Variants in SIPA1L3 observed in about 807,000 individuals in gnomAD.
SIPA1L3 encodes signal induced proliferation associated 1 like 3.
A neutral mutation model predicts 150.1 loss-of-function variants in SIPA1L3; 59 were observed. The ratio of observed to expected loss-of-function variants is 0.39; its 90% CI spans 0.32 to 0.49. The LOEUF (loss-of-function observed/expected upper bound fraction) is 0.49. Ranked by LOEUF, SIPA1L3 falls within the 20% of genes least tolerant of loss-of-function variation. The pLI, the probability that SIPA1L3 is intolerant of heterozygous loss-of-function variation, is 0.86. For missense variants in SIPA1L3, 2,211 were observed against 2,489.5 expected (o/e 0.89, Z 2.38); for synonymous variants, 1,070 against 1,077.6 (o/e 0.99, Z 0.14).
intron 8 of SIPA1L3, among the ~76,000 whole-genome samples, chr19:38,112,946 G>A (rs953403900): frequency 3.3e-5 from 5 of 152,270 alleles, no homozygotes; most frequent in South Asian, 4.1e-4. Context: ...AGTGGCTCAC[G>A]CTTGTAATCC....
At chr19:37,968,542 A>T (rs1302794903) in intron 1 of SIPA1L3, among the ~76,000 whole-genome samples, 1 of 152,178 alleles carries the variant, frequency 6.6e-6, no homozygotes, top group Non-Finnish European at 1.5e-5. Context: ...AGGGTCTTTG[A>T]GTCTCAGGTA....
chr19:37,975,453 G>A (rs936647914), intron 1 of SIPA1L3, among the ~76,000 whole-genome samples: 3 of 152,056 alleles, frequency 2.0e-5, no homozygotes, highest in African/African-American at 4.8e-5. Flanking sequence ...GCTGCAAGTC[G>A]AGGCTCCCCA....
chr19:38,134,259 C>T (rs1971380563), intron 10 of SIPA1L3, among the ~76,000 whole-genome samples: 1 of 151,284 alleles, frequency 6.6e-6, no homozygotes, highest in South Asian at 2.1e-4. Context: ...GCTAGGATTA[C>T]AGGCATGAGC....
intron 15 of SIPA1L3, among the ~76,000 whole-genome samples, chr19:38,173,862 C>T (rs1354613305): frequency 1.3e-5 from 2 of 151,992 alleles, no homozygotes. Flanking sequence ...TGCAAAGGTC[C>T]CAAGGTAGCA....
At position 38,177,751 on chromosome 19, in the gene SIPA1L3, C is replaced by G. The variant is rs190771366; in HGVS notation, c.4209-4768C>G. On this transcript the variant is annotated intron_variant, in intron 15 of 21. Transcript: ENST00000222345. The stretch of plus-strand genomic sequence containing the variant: ...TCATAAGGATATGCTTGCGGCAGGG[C>G]GCAGTGGCTCATGCCTGTGATCCCA... Among the ~76,000 whole-genome samples, 352 of 152,224 alleles carry G rather than the reference C, an allele frequency of 2.3e-3. 1 individual carries two copies. The highest frequency in any genetic ancestry group is 8.2e-3 in the African/African-American group (339 of 41,550).
At chr19:38,146,235 TTGTC>T (rs1971701711) in intron 12 of SIPA1L3, among the ~76,000 whole-genome samples, 1 of 152,144 alleles carries the variant, frequency 6.6e-6, no homozygotes, top group Non-Finnish European at 1.5e-5. Context: ...GCTTCAGAGG[TTGTC>T]TTTTTCACTC....
At chr19:38,136,397 A>C (rs2145929343) in intron 10 of SIPA1L3, among the ~76,000 whole-genome samples, 1 of 152,050 alleles carries the variant, frequency 6.6e-6, no homozygotes, top group South Asian at 2.1e-4. Context: ...TGAGATCAGG[A>C]GTTCAAGACC....
intron 15 of SIPA1L3, among the ~76,000 whole-genome samples, chr19:38,181,239 C>A (rs933469445): frequency 6.6e-6 from 1 of 152,202 alleles, no homozygotes; most frequent in African/African-American, 2.4e-5. Context: ...TCAATGTTGT[C>A]ATCTCTGGGG....
intron 2 of SIPA1L3, among the ~76,000 whole-genome samples, chr19:38,032,099 T>A (rs1487150156): frequency 6.6e-6 from 1 of 152,206 alleles, no homozygotes; most frequent in Non-Finnish European, 1.5e-5. Context: ...CTGTGCTGTT[T>A]CCCTGATGGC....
intron 15 of SIPA1L3, among the ~76,000 whole-genome samples, chr19:38,177,597 T>C (rs541746548): frequency 1.3e-5 from 2 of 152,330 alleles, no homozygotes; most frequent in East Asian, 3.9e-4. Flanking sequence ...TATCTATCTA[T>C]ATATTTTTTC....
At chr19:38,203,476 G>A (rs1223423653) in intron 20 of SIPA1L3, among the ~76,000 whole-genome samples, 8 of 151,702 alleles carry the variant, frequency 5.3e-5, no homozygotes, top group African/African-American at 1.5e-4. Flanking sequence ...TCTCTGCAGC[G>A]GCCAGGCAGG....
chr19:38,005,351 C>G (rs1361537925), intron 1 of SIPA1L3, among the ~76,000 whole-genome samples: 5 of 152,098 alleles, frequency 3.3e-5, no homozygotes, highest in African/African-American at 9.7e-5. Context: ...CACCCGCCCC[C>G]ACTCCCGCCT....
intron 1 of SIPA1L3, among the ~76,000 whole-genome samples, chr19:37,981,872 T>G (rs1179473418): frequency 6.6e-6 from 1 of 152,200 alleles, no homozygotes; most frequent in Non-Finnish European, 1.5e-5. Context: ...CACCCATAAC[T>G]GCAGGGAAGG....
At chr19:38,049,460 A>G (rs1196374267) in intron 2 of SIPA1L3, among the ~76,000 whole-genome samples, 9 of 152,062 alleles carry the variant, frequency 5.9e-5, no homozygotes, top group African/African-American at 4.8e-5. Flanking sequence ...ACAGTTGTAC[A>G]TGCTGTACAT....
chr19:38,162,901 G>A (rs1046107711), intron 14 of SIPA1L3, among the ~76,000 whole-genome samples: 7 of 152,160 alleles, frequency 4.6e-5, no homozygotes, highest in Non-Finnish European at 1.0e-4. Flanking sequence ...GGCATGAATC[G>A]CTTCCATTCC....
At chr19:37,954,236 A>T (rs529433359) in intron 1 of SIPA1L3, among the ~76,000 whole-genome samples, 1 of 152,298 alleles carries the variant, frequency 6.6e-6, no homozygotes, top group African/African-American at 2.4e-5. Flanking sequence ...CCACTAACCT[A>T]TACTGCTTTG....
intron 1 of SIPA1L3, among the ~76,000 whole-genome samples, chr19:37,918,790 G>A (rs1371829013): frequency 1.3e-5 from 2 of 151,800 alleles, no homozygotes; most frequent in African/African-American, 2.4e-5. Context: ...AGAATCAAAC[G>A]AACCCAGGAG....
intron 12 of SIPA1L3, among the ~76,000 whole-genome samples, chr19:38,143,479 C>T (rs2145944541): frequency 6.6e-6 from 1 of 150,702 alleles, no homozygotes; most frequent in South Asian, 2.1e-4. Context: ...TTCCAGCCTT[C>T]ATCTCACCTC....
At chr19:38,005,348 C>T (rs1207608447) in intron 1 of SIPA1L3, among the ~76,000 whole-genome samples, 1 of 152,060 alleles carries the variant, frequency 6.6e-6, no homozygotes, top group Non-Finnish European at 1.5e-5. Flanking sequence ...TGCCACCCGC[C>T]CCCACTCCCG....
Sources: gnomAD v4.1 joint callset for allele counts (sites outside exome capture counted in the v4.1 genomes callset) on GRCh38, gnomAD v4.1.1 for gene constraint, MANE v1.5 for transcripts, NCBI Gene and HGNC (gene_info 2026-07-23, HGNC 2026-07-21) for gene names.